CPAMD8: variants seen among roughly 807,000 people sequenced by gnomAD.
CPAMD8 encodes C3 and PZP-like alpha-2-macroglobulin domain-containing protein 8.
CPAMD8 carries 146 observed loss-of-function variants against 224.7 expected under a neutral mutation model. That is an observed-to-expected ratio of 0.65 (90% CI 0.57 to 0.75). The LOEUF (loss-of-function observed/expected upper bound fraction) is 0.75. Among genes scored for constraint, CPAMD8 ranks in the 30% least tolerant of loss-of-function variants. CPAMD8 has a pLI of 0.00. For missense variants in CPAMD8, 2,301 were observed against 2,537.5 expected (o/e 0.91, Z 2.00); for synonymous variants, 966 against 1,044.6 (o/e 0.92, Z 1.45).
At chr19:17,008,704 A>G (rs1273280175) in intron 6 of CPAMD8, 145 bp from the exon 7 acceptor site, 1 of 807,870 alleles carries the variant, frequency 1.2e-6, no homozygotes, top group East Asian at 2.7e-5. Flanking sequence ...ACCCCGGGGC[A>G]AAAAAAAAGC....
intron 8 of CPAMD8, 68 bp from the exon 9 acceptor site, chr19:17,002,418 C>T (rs563339984): frequency 2.9e-5 from 30 of 1,047,158 alleles, no homozygotes; most frequent in South Asian, 2.2e-4. Flanking sequence ...GCCCTGACAC[C>T]GGTGCAAGGT....
intron 29 of CPAMD8, among the ~76,000 whole-genome samples, chr19:16,911,853 AT>A (rs1329745051): frequency 5.9e-5 from 9 of 152,034 alleles, no homozygotes; most frequent in Admixed American, 4.6e-4. Flanking sequence ...CAGTTTTTGT[AT>A]TTTTAGTAGA....
chr19:16,961,465 G>T (rs763938176), intron 18 of CPAMD8, among the ~76,000 whole-genome samples: 9 of 152,258 alleles, frequency 5.9e-5, no homozygotes, highest in South Asian at 2.1e-4. Context: ...TTGGGGGAGG[G>T]GTGCCCACCA....
intron 23 of CPAMD8, among the ~76,000 whole-genome samples, chr19:16,930,652 C>T (rs996124199): frequency 6.6e-6 from 1 of 152,130 alleles, no homozygotes; most frequent in African/African-American, 2.4e-5. Flanking sequence ...ACTCTAGCAG[C>T]TCTAGCCATG....
At chr19:16,999,306 C>T (rs937646240) in intron 10 of CPAMD8, among the ~76,000 whole-genome samples, 13 of 151,916 alleles carry the variant, frequency 8.6e-5, no homozygotes, top group Admixed American at 2.0e-4. Context: ...TGTGGCCAGG[C>T]GCAGTGGCTC....
chr19:17,012,440 T>C (rs1001076034), intron 3 of CPAMD8, among the ~76,000 whole-genome samples: 5 of 151,608 alleles, frequency 3.3e-5, no homozygotes, highest in African/African-American at 1.2e-4. Context: ...CTTGGCCTGC[T>C]GGGCGCAAGC....
At chr19:17,011,394 G>A (rs756028771) in intron 5 of CPAMD8, 70 bp downstream of exon 5, 4 of 1,522,554 alleles carry the variant, frequency 2.6e-6, no homozygotes, top group Admixed American at 3.4e-5. Flanking sequence ...ACCCGTTTCC[G>A]ATGGTGGCCC....
In CPAMD8 at chr19:16,977,538, G is replaced by T. The variant is rs1283637596; in HGVS notation, c.1588C>A (p.Pro530Thr). 2.5e-6 allele frequency: 4 copies of T among 1,579,590 alleles called. No individual in the cohort carries two copies. The highest frequency in any genetic ancestry group is 3.4e-6 in the Non-Finnish European group (4 of 1,168,986). Residue 530 changes from proline (P) to threonine (T), a missense_variant and splice_region_variant, in exon 15 of 42, where the codon CCC (proline) becomes ACC (threonine). This residue lies in a region of CPAMD8 where 301 missense variants were observed against 406.6 expected (regional missense o/e 0.74). Coordinates refer to ENST00000443236, the MANE Select transcript of CPAMD8 (RefSeq NM_015692.5). ...ACCTCAGCTTCTGGGGCTGGTGGGG[G>T]CTCTGAGGTGAGCAAAAGTAGAGAG... is the stretch of plus-strand genomic sequence containing the variant. ...IRLTHLSETE[P>T]PPAPEAEVDV...
At chr19:16,954,735 A>G (rs1044465001) in intron 19 of CPAMD8, among the ~76,000 whole-genome samples, 3 of 152,250 alleles carry the variant, frequency 2.0e-5, no homozygotes, top group East Asian at 1.9e-4. Flanking sequence ...CTGTAATCCC[A>G]GCACTTTGGG....
rs775967176 is a variant in CPAMD8 at position 16,929,014 on chromosome 19, T to C, written c.3072A>G (p.Ala1024=). ...TSKMGEPVAS[A]HTAKILSWDE... Reference sequence around the variant, plus strand: ...CCCAGGAGAGGATCTTGGCCGTGTGTGCACTGGCCACGGGCTCTCCCATCT... The same window carrying C: ...CCCAGGAGAGGATCTTGGCCGTGTGCGCACTGGCCACGGGCTCTCCCATCT... The change falls in exon 24 of 42, where the codon GCA becomes GCG. Residue 1024 remains alanine, a synonymous_variant. Coordinates refer to ENST00000443236, the MANE Select transcript of CPAMD8 (RefSeq NM_015692.5). The C allele has an allele frequency of 6.8e-6, 11 of 1,613,928 alleles. No individual in the cohort carries two copies. In the South Asian group the frequency reaches 1.1e-4, roughly 16 times the overall value.
intron 29 of CPAMD8, among the ~76,000 whole-genome samples, chr19:16,909,117 A>C (rs1348345958): frequency 1.3e-5 from 2 of 152,224 alleles, no homozygotes; most frequent in East Asian, 3.8e-4. Flanking sequence ...GTGGCCCACC[A>C]AAAAGATATA....
chr19:16,943,004 C>CT (rs1324758997), intron 22 of CPAMD8, among the ~76,000 whole-genome samples: 163 of 134,224 alleles, frequency 1.2e-3, no homozygotes, highest in African/African-American at 2.1e-3. Context: ...TTTCTTTTTT[C>CT]TTTTTTCTTT....
chr19:16,945,494 A>G lies in CPAMD8; in HGVS notation c.2793+55T>C, dbSNP rs1466631156. On this transcript the variant is annotated intron_variant, in intron 22 of 41. Coordinates refer to ENST00000443236, the MANE Select transcript of CPAMD8 (RefSeq NM_015692.5). Reference sequence around the variant, plus strand: ...ACACACTCCAGCTGGGCCCAGCTTCATGGCTGAAGGAATGAGGCCCTGGCT... The same window carrying G: ...ACACACTCCAGCTGGGCCCAGCTTCGTGGCTGAAGGAATGAGGCCCTGGCT... 3.1e-6 allele frequency: 5 copies of G among 1,589,664 alleles called. No individual in the cohort carries two copies. In the East Asian group the frequency reaches 6.8e-5, roughly 21 times the overall value.
chr19:16,916,075 T>C (rs1369155104), intron 27 of CPAMD8, among the ~76,000 whole-genome samples: 1 of 151,840 alleles, frequency 6.6e-6, no homozygotes, highest in Non-Finnish European at 1.5e-5. Context: ...AGTGCAGTGG[T>C]GCAGTCCTAA....
Position 16,961,196 on chromosome 19 carries a change from G to A in CPAMD8, c.2214-3281C>T, listed in dbSNP as rs575563862. Among the ~76,000 whole-genome samples the A allele has an allele frequency of 1.2e-4, 18 of 152,326 alleles. No individual in the cohort carries two copies. In the East Asian group the frequency reaches 1.4e-3, roughly 11 times the overall value. The stretch of plus-strand genomic sequence containing the variant: ...GGGTACAGCCCATGAAGGATGAGCC[G>A]CAGTAGGGCGGGGTGTCGCCTTACC... On this transcript the variant is annotated intron_variant, in intron 18 of 41. Transcript: ENST00000443236.
intron 14 of CPAMD8, among the ~76,000 whole-genome samples, chr19:16,977,758 C>T (rs994917915): frequency 1.3e-5 from 2 of 152,176 alleles, no homozygotes; most frequent in African/African-American, 2.4e-5. Flanking sequence ...TGGGCTCCTA[C>T]AGAGCAGGCT....
chr19:16,980,016 G>T (rs540452518), intron 14 of CPAMD8, among the ~76,000 whole-genome samples: 2 of 152,182 alleles, frequency 1.3e-5, no homozygotes, highest in Non-Finnish European at 1.5e-5. Flanking sequence ...TGCACAGGAC[G>T]CCCCCACTCT....
chr19:17,022,146 G>T lies in CPAMD8; in HGVS notation c.128C>A (p.Ala43Glu), dbSNP rs201146129. ...YLIAAPSVFR[A>E]GVEEVISVTI... ...CACGCTGATGACTTCCTCCACGCCC[G>T]CGCGAAAAACAGAGGGAGCTGCAAT... Residue 43 changes from alanine to glutamate, a missense_variant, in exon 2 of 42, where the codon GCG becomes GAG. By Grantham distance (107) the Ala-to-Glu change is moderately radical. This residue lies in a region of CPAMD8 where 283 missense variants were observed against 340.6 expected (regional missense o/e 0.83). Coordinates refer to ENST00000443236, the MANE Select transcript of CPAMD8 (RefSeq NM_015692.5). 3 of 1,609,926 alleles carry T rather than the reference G, an allele frequency of 1.9e-6. No homozygotes were observed. Among genetic ancestry groups the T allele is most frequent in the Non-Finnish European group, 2.5e-6 (3 of 1,177,984 alleles).
chr19:16,999,884 G>A (rs78275326), intron 10 of CPAMD8, among the ~76,000 whole-genome samples: 5,126 of 152,074 alleles, frequency 0.034, 119 homozygotes, highest in Middle Eastern at 0.061. Context: ...GGCCATGGTG[G>A]TCAGGCTGGT....
Sources: allele counts gnomAD v4.1 joint callset (sites outside exome capture counted in the v4.1 genomes callset), GRCh38; gene constraint gnomAD v4.1.1; regional missense constraint gnomAD v4.1.1; transcripts MANE v1.5; gene names NCBI Gene and HGNC (gene_info 2026-07-23, HGNC 2026-07-21).